NRG1: variants seen among roughly 807,000 people sequenced by gnomAD.
NRG1 encodes the protein pro-neuregulin-1, membrane-bound isoform.
A neutral mutation model predicts 63.8 loss-of-function variants in NRG1; 18 were observed. The observed-to-expected ratio is 0.28, with a 90% confidence interval of 0.19 to 0.42. NRG1 has a LOEUF of 0.42. Ranked by LOEUF, NRG1 falls within the 10% of genes least tolerant of loss-of-function variation. The probability of loss-of-function intolerance (pLI) is 1.00; values close to 1 mark genes in which losing one functional copy is unlikely to be tolerated. For missense variants in NRG1, 762 were observed against 814.7 expected, an observed-to-expected ratio of 0.94 and a Z score of 0.79; for synonymous variants, 302 against 301.3, an observed-to-expected ratio of 1.00 and a Z score of -0.02.
chr8:32,369,064 A>G (rs1300292688), intron 1 of NRG1, among the ~76,000 whole-genome samples: 1 of 152,178 alleles, frequency 6.6e-6, no homozygotes, highest in Non-Finnish European at 1.5e-5. Flanking sequence ...GTGTTCCACT[A>G]TTTTGGAAAC....
At chr8:31,750,691 G>A (rs1180731429) in intron 1 of NRG1, among the ~76,000 whole-genome samples, 1 of 151,880 alleles carries the variant, frequency 6.6e-6, no homozygotes, top group Non-Finnish European at 1.5e-5. Flanking sequence ...CAAGCCACAA[G>A]TGACTATCTA....
At chr8:32,405,229 C>T (rs1813797594) in intron 1 of NRG1, among the ~76,000 whole-genome samples, 1 of 152,222 alleles carries the variant, frequency 6.6e-6, no homozygotes. Context: ...CAGCCTCAAA[C>T]TCTTGTTCTT....
At chr8:32,186,410 G>A (rs1401120311) in intron 1 of NRG1, among the ~76,000 whole-genome samples, 4 of 147,758 alleles carry the variant, frequency 2.7e-5, no homozygotes, top group Non-Finnish European at 4.4e-5. Flanking sequence ...GCAGTAAGCC[G>A]AGATGGCGCC....
chr8:32,052,809 A>G (rs1029624094), intron 1 of NRG1, among the ~76,000 whole-genome samples: 2 of 152,150 alleles, frequency 1.3e-5, no homozygotes, highest in Admixed American at 6.6e-5. Context: ...ATGTTCTCTC[A>G]TAGTTCTATG....
At chr8:32,307,964 T>C (rs1856405485) in intron 1 of NRG1, among the ~76,000 whole-genome samples, 1 of 152,108 alleles carries the variant, frequency 6.6e-6, no homozygotes, top group African/African-American at 2.4e-5. Context: ...TAGATGAGGG[T>C]TATCAGGGTT....
At chr8:31,727,522 C>T (rs1052510278) in intron 1 of NRG1, among the ~76,000 whole-genome samples, 1 of 152,148 alleles carries the variant, frequency 6.6e-6, no homozygotes, top group Admixed American at 6.5e-5. Context: ...GAATAAACCC[C>T]TGGCACATAA....
intron 1 of NRG1, among the ~76,000 whole-genome samples, chr8:31,977,810 G>A (rs1219647546): frequency 1.3e-5 from 2 of 152,206 alleles, no homozygotes; most frequent in Middle Eastern, 6.8e-3. Context: ...TCAATTCTGT[G>A]TAGGGACCAT....
intron 5 of NRG1, chr8:32,646,894 T>C: frequency 1.0e-6 from 1 of 975,238 alleles, no homozygotes; most frequent in Non-Finnish European, 1.2e-6. Context: ...GGAGTGGGGG[T>C]TGGGAGAGGG....
intron 1 of NRG1, among the ~76,000 whole-genome samples, chr8:32,355,108 GATTTA>G (rs1806192363): frequency 1.3e-5 from 2 of 152,104 alleles, no homozygotes; most frequent in South Asian, 4.1e-4. Flanking sequence ...AACAATGATT[GATTTA>G]ATTTGATAAT....
chr8:32,489,171 C>T (rs1370532969), intron 1 of NRG1, among the ~76,000 whole-genome samples: 1 of 152,088 alleles, frequency 6.6e-6, no homozygotes, highest in Admixed American at 6.5e-5. Flanking sequence ...TGGGCTGCCG[C>T]ATGTGTGGTG....
At chr8:32,090,770 A>C (rs1829012483) in intron 1 of NRG1, among the ~76,000 whole-genome samples, 1 of 152,204 alleles carries the variant, frequency 6.6e-6, no homozygotes, top group African/African-American at 2.4e-5. Flanking sequence ...TGCCTACAGT[A>C]AGATGAGCAG....
chr8:32,334,302 T>A (rs962224842), intron 1 of NRG1, among the ~76,000 whole-genome samples: 1 of 152,176 alleles, frequency 6.6e-6, no homozygotes, highest in Non-Finnish European at 1.5e-5. Context: ...TGTCTACTTA[T>A]CTCTAATATT....
chr8:32,541,243 C>T (rs35052263), intron 1 of NRG1, among the ~76,000 whole-genome samples: 8,279 of 151,940 alleles, frequency 0.054, 306 homozygotes, highest in Middle Eastern at 0.085. Flanking sequence ...GTATTGCACT[C>T]TAACATGAGG....
At chr8:32,601,965 A>G (rs1331850073) in intron 2 of NRG1, among the ~76,000 whole-genome samples, 1 of 152,132 alleles carries the variant, frequency 6.6e-6, no homozygotes, top group Non-Finnish European at 1.5e-5. Flanking sequence ...ATTTCTGCAT[A>G]TATTGTAGTC....
intron 1 of NRG1, among the ~76,000 whole-genome samples, chr8:32,356,474 A>ACCCCCCCCCCCCCC (rs11426642): frequency 2.9e-5 from 2 of 69,324 alleles, no homozygotes; most frequent in African/African-American, 5.9e-5. Flanking sequence ...CCTTGTTGGG[A>ACCCCCCCCCCCCCC]CCCCCCCCCC....
intron 1 of NRG1, among the ~76,000 whole-genome samples, chr8:32,188,077 T>G (rs1401764903): frequency 2.0e-5 from 3 of 152,124 alleles, no homozygotes; most frequent in Non-Finnish European, 4.4e-5. Flanking sequence ...TAGATTTTTT[T>G]TTTTTTTGAG....
At chr8:31,685,994 T>TTCTCTTAG (rs1249927037) in intron 1 of NRG1, among the ~76,000 whole-genome samples, 1 of 152,222 alleles carries the variant, frequency 6.6e-6, no homozygotes, top group Non-Finnish European at 1.5e-5. Flanking sequence ...ATGTTTTTAT[T>TTCTCTTAG]TCTCTTAGGT....
rs529156808 is a variant in NRG1, at chr8:32,374,440, G to A, written c.38-221388G>A. On this transcript the variant is annotated intron_variant, in intron 1 of 10. Transcript: ENST00000519301. Reference sequence around the variant, plus strand: ...GAAATGATGTTTAGAGAACCTGGTAGTATCGGAGGCATCATCCTCCTTCTC... The same window carrying A: ...GAAATGATGTTTAGAGAACCTGGTAATATCGGAGGCATCATCCTCCTTCTC... Among the ~76,000 whole-genome samples, 3 of 152,316 alleles carry A rather than the reference G, an allele frequency of 2.0e-5. 1 individual carries two copies. Among genetic ancestry groups the A allele is most frequent in the African/African-American group, 7.2e-5 (3 of 41,586 alleles).
chr8:31,743,791 A>G (rs777179788), intron 1 of NRG1, among the ~76,000 whole-genome samples: 3 of 152,002 alleles, frequency 2.0e-5, no homozygotes, highest in African/African-American at 7.2e-5. Flanking sequence ...TGCCCAGAAT[A>G]ATAAAATTAT....
Sources: allele counts gnomAD v4.1 joint callset (sites outside exome capture counted in the v4.1 genomes callset), GRCh38; gene constraint gnomAD v4.1.1; transcripts MANE v1.5; gene names NCBI Gene and HGNC (gene_info 2026-07-23, HGNC 2026-07-21).